The following FRMPD3 variants were observed in gnomAD, a reference collection of about 807,000 sequenced individuals.
The protein encoded by FRMPD3 is FERM and PDZ domain containing 3.
Under a neutral mutation model 97.9 loss-of-function variants are expected in FRMPD3, and 42 were observed. The ratio of observed to expected loss-of-function variants is 0.43; its 90% CI spans 0.34 to 0.55. FRMPD3 has a LOEUF of 0.55. FRMPD3 is among the 20% of genes least tolerant of loss of function. The probability of loss-of-function intolerance (pLI) is 0.03; values close to 1 mark genes in which losing one functional copy is unlikely to be tolerated. For missense variants in FRMPD3, 1,303 were observed against 1,457.7 expected (o/e 0.89, Z 1.73); for synonymous variants, 577 against 581.1 (o/e 0.99, Z 0.10).
chrX:107,462,454 G>A (rs1931494053), intron 1 of FRMPD3, among the ~76,000 whole-genome samples: 1 of 112,068 alleles, frequency 8.9e-6, no homozygotes, highest in Admixed American at 9.4e-5. Flanking sequence ...ATGGCCTAGG[G>A]TAGAGGGGTG....
chrX:107,549,886 C>T (rs1921785929), intron 5 of FRMPD3, among the ~76,000 whole-genome samples, 163 bp from the exon 6 acceptor site: 1 of 110,579 alleles, frequency 9.0e-6, no homozygotes, highest in Non-Finnish European at 1.9e-5. Context: ...TGGTTCTGGT[C>T]CCCATGTATT....
At chrX:107,530,609 A>T in intron 3 of FRMPD3, 98 bp downstream of exon 3, 1 of 620,512 alleles carries the variant, frequency 1.6e-6, no homozygotes, top group South Asian at 2.7e-5. Flanking sequence ...CTGAGAGCAG[A>T]ATCCTTCCAG....
At chrX:107,492,190 G>A (rs1921675261) in intron 1 of FRMPD3, among the ~76,000 whole-genome samples, 2 of 112,048 alleles carry the variant, frequency 1.8e-5, no homozygotes, top group Non-Finnish European at 3.8e-5. Flanking sequence ...GGAAAGTAGT[G>A]AATGTGGCAG....
In FRMPD3 at chrX:107,602,573, G is replaced by A. The variant is rs781327857; in HGVS notation, c.4534G>A (p.Gly1512Ser). 4 of 1,211,620 alleles carry A rather than the reference G, an allele frequency of 3.3e-6. No individual in the cohort carries two copies. In the East Asian group the frequency reaches 1.2e-4, roughly 36 times the overall value. ...KCDMADDASD[G>S]KDELSYSIPM... ...TGACATGGCAGATGATGCCAGTGAT[G>A]GCAAGGATGAGCTCTCCTACTCTAT... Residue 1512 changes from glycine to serine, a missense_variant, in exon 15 of 15, where the codon GGC becomes AGC. Gly to Ser is a moderately conservative substitution (Grantham distance 56). Coordinates refer to ENST00000683843, the MANE Select transcript of FRMPD3 (RefSeq NM_001388459.1).
chrX:107,574,196 C>A (rs113620207), intron 12 of FRMPD3, among the ~76,000 whole-genome samples: 3 of 110,982 alleles, frequency 2.7e-5, no homozygotes, highest in African/African-American at 9.9e-5. Flanking sequence ...TAAATCCCAG[C>A]ACTTTGGGAG....
chrX:107,499,520 T>C (rs1378404003), intron 1 of FRMPD3, among the ~76,000 whole-genome samples: 2 of 112,080 alleles, frequency 1.8e-5, no homozygotes, highest in Non-Finnish European at 3.8e-5. Flanking sequence ...TGGGAGTCCA[T>C]TAATAATCCA....
At chrX:107,475,562 C>T (rs188538081) in intron 1 of FRMPD3, among the ~76,000 whole-genome samples, 9 of 112,487 alleles carry the variant, frequency 8.0e-5, no homozygotes, top group South Asian at 3.7e-4. Context: ...CACAGCTTTC[C>T]GGTGAATCAG....
At chrX:107,515,593 T>C (rs1043446826) in intron 1 of FRMPD3, among the ~76,000 whole-genome samples, 1 of 111,849 alleles carries the variant, frequency 8.9e-6, no homozygotes, top group African/African-American at 3.3e-5. Flanking sequence ...TGGAGACATA[T>C]GTGTAGAAAA....
chrX:107,543,719 G>A (rs1468617068), intron 4 of FRMPD3, among the ~76,000 whole-genome samples: 3 of 109,273 alleles, frequency 2.7e-5, no homozygotes, highest in African/African-American at 1.0e-4. Context: ...GGGAGACTGA[G>A]GCAGGGGAAT....
At chrX:107,516,873 T>C (rs1922350462) in intron 1 of FRMPD3, among the ~76,000 whole-genome samples, 1 of 111,683 alleles carries the variant, frequency 9.0e-6, no homozygotes, top group Non-Finnish European at 1.9e-5. Flanking sequence ...AGAAGCTCTT[T>C]AGCTTAATTA....
chrX:107,506,423 T>A (rs1167519718), intron 1 of FRMPD3, among the ~76,000 whole-genome samples: 2 of 112,762 alleles, frequency 1.8e-5, no homozygotes, highest in African/African-American at 6.4e-5. Context: ...GAATTTGAGA[T>A]CCTTTGGGGT....
intron 5 of FRMPD3, among the ~76,000 whole-genome samples, chrX:107,547,813 G>A (rs2147576793): frequency 8.9e-6 from 1 of 111,805 alleles, no homozygotes; most frequent in South Asian, 3.8e-4. Context: ...TCCTGTGGGT[G>A]ATCCTTGCCA....
Position 107,597,460 on chromosome X carries a change from C to T in FRMPD3, c.1581C>T (p.Ser527=). 8.3e-7 allele frequency: 1 copy of T among 1,211,018 alleles called. No individual in the cohort carries two copies. The highest frequency in any genetic ancestry group is 1.1e-6 in the Non-Finnish European group (1 of 895,460). ...CACCTGCCGACTCTGAGCTTGTCAG[C>T]TTCTGCTACCTCCATATGCGGGAAC... ...TPPPADSELV[S]FCYLHMREQR... The change falls in exon 14 of 15, where the codon AGC becomes AGT. Residue 527 remains serine (S), a synonymous_variant. Coordinates refer to ENST00000683843, the MANE Select transcript of FRMPD3 (RefSeq NM_001388459.1).
intron 8 of FRMPD3, among the ~76,000 whole-genome samples, chrX:107,558,401 A>G (rs938648036): frequency 9.0e-6 from 1 of 111,124 alleles, no homozygotes; most frequent in Non-Finnish European, 1.9e-5. Context: ...CTGAAGCAGG[A>G]AGATCACTTG....
At chrX:107,484,519 C>A (rs1174797684) in intron 1 of FRMPD3, among the ~76,000 whole-genome samples, 1 of 112,455 alleles carries the variant, frequency 8.9e-6, no homozygotes, top group African/African-American at 3.2e-5. Context: ...GAAGAAGGGG[C>A]GGGGAAAGAA....
intron 1 of FRMPD3, among the ~76,000 whole-genome samples, chrX:107,523,920 G>T (rs1922596321): frequency 8.9e-6 from 1 of 112,173 alleles, no homozygotes; most frequent in South Asian, 3.7e-4. Flanking sequence ...AGGGGAGGCT[G>T]CAGTGGCAGG....
chrX:107,480,789 A>G (rs1246859186), intron 1 of FRMPD3, among the ~76,000 whole-genome samples: 3 of 102,137 alleles, frequency 2.9e-5, no homozygotes, highest in African/African-American at 1.1e-4. Flanking sequence ...AGATCACACC[A>G]CTAAACTCCA....
At chrX:107,528,737 T>C (rs1230756289) in intron 2 of FRMPD3, among the ~76,000 whole-genome samples, 2 of 112,823 alleles carry the variant, frequency 1.8e-5, no homozygotes, top group African/African-American at 3.2e-5. Flanking sequence ...AACCAGTGAA[T>C]TGCAGATTTG....
chrX:107,550,278 C>A, intron 6 of FRMPD3, 122 bp downstream of exon 6: 2 of 494,315 alleles, frequency 4.0e-6, no homozygotes, highest in Non-Finnish European at 3.5e-6. Context: ...GGCCTTTAAG[C>A]TCTGGATGCT....
Sources: allele counts gnomAD v4.1 joint callset (sites outside exome capture counted in the v4.1 genomes callset), GRCh38; gene constraint gnomAD v4.1.1; transcripts MANE v1.5; gene names NCBI Gene and HGNC (gene_info 2026-07-23, HGNC 2026-07-21).